OSBPL3: variants seen among roughly 807,000 people sequenced by gnomAD.
OSBPL3 encodes oxysterol-binding protein-related protein 3.
Under a neutral mutation model 120.1 loss-of-function variants are expected in OSBPL3, and 65 were observed. The ratio of observed to expected loss-of-function variants is 0.54; its 90% CI spans 0.44 to 0.67. The LOEUF is 0.67. OSBPL3 is among the 30% of genes least tolerant of loss of function. OSBPL3 has a pLI of 0.00. For missense variants in OSBPL3, 1,004 were observed against 1,082.1 expected (o/e 0.93, Z 1.01); for synonymous variants, 416 against 402.6 (o/e 1.03, Z -0.40).
chr7:24,885,583 A>T (rs1804399491), intron 2 of OSBPL3, among the ~76,000 whole-genome samples: 1 of 152,262 alleles, frequency 6.6e-6, no homozygotes, highest in South Asian at 2.1e-4. Flanking sequence ...TGCAATCATG[A>T]GTGAAGCACT....
intron 14 of OSBPL3, among the ~76,000 whole-genome samples, chr7:24,839,587 C>A (rs193195163): frequency 1.5e-4 from 23 of 152,320 alleles, no homozygotes; most frequent in Non-Finnish European, 2.5e-4. Flanking sequence ...TGGATCATAT[C>A]TTTTATTATG....
chr7:24,841,602 C>T (rs192143802), intron 13 of OSBPL3, among the ~76,000 whole-genome samples: 53 of 141,950 alleles, frequency 3.7e-4, no homozygotes, highest in African/African-American at 1.1e-3. Flanking sequence ...GGCTGAAGTA[C>T]GAGAATTGCT....
chr7:24,882,917 T>G (rs535745656), intron 2 of OSBPL3, among the ~76,000 whole-genome samples: 7 of 152,146 alleles, frequency 4.6e-5, no homozygotes, highest in Admixed American at 4.6e-4. Flanking sequence ...TTAATGAGAT[T>G]ATTTGTTTTT....
chr7:24,975,400 C>T (rs1162545583), intron 1 of OSBPL3, among the ~76,000 whole-genome samples: 3 of 152,282 alleles, frequency 2.0e-5, no homozygotes, highest in Non-Finnish European at 2.9e-5. Flanking sequence ...ATGGCATATT[C>T]GTTGTTTCAT....
chr7:24,977,748 C>CG (rs1408018335), intron 1 of OSBPL3, among the ~76,000 whole-genome samples: 6 of 151,992 alleles, frequency 3.9e-5, no homozygotes, highest in Non-Finnish European at 8.8e-5. Context: ...CCCAGCCACC[C>CG]GGGAGGCTGA....
chr7:24,875,726 A>C (rs189038166), intron 2 of OSBPL3, among the ~76,000 whole-genome samples: 1 of 151,218 alleles, frequency 6.6e-6, no homozygotes, highest in African/African-American at 2.4e-5. Flanking sequence ...AAAAAATTAT[A>C]TATGTAATTT....
Position 24,918,071 on chromosome 7 carries a change from C to T in OSBPL3, c.-149-25450G>A, listed in dbSNP as rs143884483. On this transcript the variant is annotated intron_variant, in intron 1 of 22. Coordinates refer to ENST00000313367, the MANE Select transcript of OSBPL3 (RefSeq NM_015550.4). The surrounding 1 kb of genome is among the most constrained non-coding windows in gnomAD (Gnocchi z 4.3). ...CCTATAAAGGTTGGCTTATCCTCGA[C>T]GCACATAATGACAAGCACAGGTGCT... 15 of 985,086 alleles carry T rather than the reference C, an allele frequency of 1.5e-5. No individual in the cohort carries two copies. The East Asian group carries it at 5.7e-4, about 37-fold the overall frequency. The allele number at this position is 985,086 out of a possible 1,614,324, so 61.0% of individuals were successfully genotyped here.
chr7:24,843,161 A>T (rs1014165208), intron 12 of OSBPL3, among the ~76,000 whole-genome samples: 2 of 152,172 alleles, frequency 1.3e-5, no homozygotes, highest in Non-Finnish European at 2.9e-5. Flanking sequence ...ATGGCAGGAT[A>T]TAACAATGAA....
At chr7:24,921,626 C>T (rs1810397343) in intron 1 of OSBPL3, among the ~76,000 whole-genome samples, 1 of 152,108 alleles carries the variant, frequency 6.6e-6, no homozygotes, top group Admixed American at 6.5e-5. Flanking sequence ...CTCTAGGGTA[C>T]CTCTCAGTTA....
chr7:24,957,405 T>C (rs1214228138), intron 1 of OSBPL3, among the ~76,000 whole-genome samples: 1 of 152,188 alleles, frequency 6.6e-6, no homozygotes, highest in Admixed American at 6.5e-5. Flanking sequence ...CGTTTCCACC[T>C]AGGGATAGAG....
In OSBPL3 at chr7:24,967,708, G is replaced by GTAC. The variant is rs1816546111; in HGVS notation, c.-150+12175_-150+12177dup. Among the ~76,000 whole-genome samples the GTAC allele has an allele frequency of 6.6e-6, 1 of 152,014 alleles. No individual in the cohort carries two copies. ...TACCTCTTGGCTTACCTTCCCCAAG[G>GTAC]TACTACAGGCTTCCCCCTTTCTCTC... On this transcript the variant is annotated intron_variant, in intron 1 of 22. Coordinates refer to ENST00000313367, the MANE Select transcript of OSBPL3 (RefSeq NM_015550.4). The surrounding 1 kb of genome is among the most constrained non-coding windows in gnomAD (Gnocchi z 5.6).
At position 24,964,028 on chromosome 7, in the gene OSBPL3, C is replaced by T. The variant is rs190297609; in HGVS notation, c.-150+15858G>A. 4.9e-4 allele frequency among the ~76,000 whole-genome samples: 75 copies of T among 152,056 alleles called. No homozygotes were observed. The highest frequency in any genetic ancestry group is 1.7e-3 in the African/African-American group (70 of 41,464). The stretch of plus-strand genomic sequence containing the variant: ...AGCACTCCTAATAGCTAAAGCTGGA[C>T]GAACTTCAGAAACAAAATAAAGTAC... On this transcript the variant is annotated intron_variant, in intron 1 of 22. Transcript: ENST00000313367. This position sits in a 1 kb window ranked among gnomAD's most constrained non-coding sequence, Gnocchi z 4.2.
At chr7:24,908,189 C>A (rs777907304) in intron 1 of OSBPL3, among the ~76,000 whole-genome samples, 1 of 152,156 alleles carries the variant, frequency 6.6e-6, no homozygotes, top group South Asian at 2.1e-4. Flanking sequence ...TTCCTGGTTC[C>A]TGCCACTTTC....
Position 24,891,957 on chromosome 7 carries a change from G to A in OSBPL3, c.96+420C>T, listed in dbSNP as rs181335992. Reference sequence around the variant, plus strand: ...TGGATATTATAATTACCAGAAAAATGATTGATTGTTTTTTTGTTTTGCTTA... The same window carrying A: ...TGGATATTATAATTACCAGAAAAATAATTGATTGTTTTTTTGTTTTGCTTA... On this transcript the variant is annotated intron_variant, in intron 2 of 22. Coordinates refer to ENST00000313367, the MANE Select transcript of OSBPL3 (RefSeq NM_015550.4). This position sits in a 1 kb window ranked among gnomAD's most constrained non-coding sequence, Gnocchi z 4.1. Among the ~76,000 whole-genome samples the A allele has an allele frequency of 2.0e-5, 3 of 152,274 alleles. No individual in the cohort carries two copies. The highest frequency in any genetic ancestry group is 2.0e-4 in the Admixed American group (3 of 15,284).
Position 24,898,583 on chromosome 7 carries a change from G to A in OSBPL3, c.-149-5962C>T, listed in dbSNP as rs898348166. Among the ~76,000 whole-genome samples the A allele has an allele frequency of 2.2e-4, 33 of 152,228 alleles. No homozygotes were observed. The highest frequency in any genetic ancestry group is 2.0e-3 in the Admixed American group (30 of 15,290). ...GCCTTCACAATCCACTTCTTCAGGGGACATCAGATTGCTCAGAGCCCAATC... is the reference window on the plus strand; with the variant it reads ...GCCTTCACAATCCACTTCTTCAGGGAACATCAGATTGCTCAGAGCCCAATC... On this transcript the variant is annotated intron_variant, in intron 1 of 22. Transcript: ENST00000313367. The surrounding 1 kb of genome is among the most constrained non-coding windows in gnomAD (Gnocchi z 4.3).
In OSBPL3 at chr7:24,863,553, C is replaced by T. The variant is rs1444290931; in HGVS notation, c.720G>A (p.Leu240=). The T allele has an allele frequency of 2.5e-6, 4 of 1,614,030 alleles. No individual in the cohort carries two copies. The African/African-American group carries it at 4.0e-5, about 16-fold the overall frequency. ...HAYLVEMSQL[L]QSMDVLHRTY... ...TCCGATGCAGGACGTCCATGCTTTG[C>T]AGGAGCTGGCTCATTTCTACCAGGT... Residue 240 remains leucine (L), a synonymous_variant, in exon 8 of 23, where the codon CTG becomes CTA. Transcript: ENST00000313367. The surrounding 1 kb of genome is among the most constrained non-coding windows in gnomAD (Gnocchi z 5.8).
At chr7:24,865,254 G>A (rs3735543) in intron 7 of OSBPL3, 88 bp downstream of exon 7, 337,907 of 1,379,430 alleles carry the variant, frequency 0.24, 53,918 homozygotes, top group East Asian at 0.78. Context: ...AAGCATAGGG[G>A]AAGGACACAA....
intron 15 of OSBPL3, among the ~76,000 whole-genome samples, chr7:24,832,140 G>A (rs141565320): frequency 0.03 from 4,450 of 150,032 alleles, 135 homozygotes; most frequent in South Asian, 0.13. Context: ...CCAGGAGGTC[G>A]AGGCTGCAAT....
At position 24,849,245 on chromosome 7, in the gene OSBPL3, C is replaced by T; in HGVS notation, c.1159-69G>A. The T allele has an allele frequency of 2.6e-6, 3 of 1,166,626 alleles. No homozygotes were observed. The highest frequency in any genetic ancestry group is 3.8e-6 in the Non-Finnish European group (3 of 792,444). The allele number at this position is 1,166,626 out of a possible 1,614,324, so 72.3% of individuals were successfully genotyped here. ...TTTCAGAAAAGCACAGCAGTGGGCC[C>T]TGCAGGAGCGATCTCTAAGAGCTTG... On this transcript the variant is annotated intron_variant, in intron 11 of 22. Coordinates refer to ENST00000313367, the MANE Select transcript of OSBPL3 (RefSeq NM_015550.4). This position sits in a 1 kb window ranked among gnomAD's most constrained non-coding sequence, Gnocchi z 5.4.
Sources: gnomAD v4.1 joint callset for allele counts (sites outside exome capture counted in the v4.1 genomes callset) on GRCh38, gnomAD v4.1.1 for gene constraint, Gnocchi (gnomAD v3.1) non-coding constraint, MANE v1.5 for transcripts, NCBI Gene and HGNC (gene_info 2026-07-23, HGNC 2026-07-21) for gene names.